UBE2G2: variants seen among roughly 807,000 people sequenced by gnomAD.
UBE2G2 encodes ubiquitin conjugating enzyme E2 G2.
A neutral mutation model predicts 23.0 loss-of-function variants in UBE2G2; 10 were observed. That is an observed-to-expected ratio of 0.43 (90% confidence interval 0.27 to 0.74). The LOEUF (loss-of-function observed/expected upper bound fraction) is 0.74, where lower values mean the gene tolerates loss of function less well. UBE2G2 is among the 30% of genes least tolerant of loss of function. The probability of loss-of-function intolerance (pLI) is 0.19; values close to 1 mark genes in which losing one functional copy is unlikely to be tolerated. For synonymous variants in UBE2G2, 86 were observed against 81.3 expected, an observed-to-expected ratio of 1.06 and a Z score of -0.31; for missense variants, 150 against 218.3, an observed-to-expected ratio of 0.69 and a Z score of 1.97.
chr21:44,783,469 T>C (rs62220106), intron 3 of UBE2G2, among the ~76,000 whole-genome samples: 10,031 of 152,320 alleles, frequency 0.066, 418 homozygotes, highest in Middle Eastern at 0.12. Context: ...AAGACAAGTG[T>C]TTACAGCAGC....
chr21:44,781,617 T>C (rs1020866110), intron 3 of UBE2G2, among the ~76,000 whole-genome samples: 2 of 152,164 alleles, frequency 1.3e-5, no homozygotes, highest in Non-Finnish European at 2.9e-5. Context: ...TTTGGGGAAG[T>C]GCCTTCCTGC....
At chr21:44,794,021 G>T (rs1381358113) in intron 1 of UBE2G2, among the ~76,000 whole-genome samples, 3 of 135,792 alleles carry the variant, frequency 2.2e-5, no homozygotes, top group Admixed American at 7.5e-5. Context: ...AGAAGGTGGA[G>T]AAAAGTGTGT....
chr21:44,798,255 C>G (rs1470044493), intron 1 of UBE2G2, among the ~76,000 whole-genome samples: 1 of 152,214 alleles, frequency 6.6e-6, no homozygotes, highest in Non-Finnish European at 1.5e-5. Flanking sequence ...AGGTCATAAT[C>G]TTTTTGCCGG....
At position 44,780,795 on chromosome 21, in the gene UBE2G2, A is replaced by G. The variant is rs183964456; in HGVS notation, c.126-3378T>C. On this transcript the variant is annotated intron_variant, in intron 3 of 5. Transcript: ENST00000345496. The stretch of plus-strand genomic sequence containing the variant: ...CTCAGCAACAGTGTGGGTCACTTAT[A>G]TGCCAGTGAAAAGCGAAGATCAGCC... Among the ~76,000 whole-genome samples, 10 of 152,348 alleles carry G rather than the reference A, an allele frequency of 6.6e-5. No homozygotes were observed. In the East Asian group the frequency reaches 1.5e-3, roughly 23 times the overall value.
At chr21:44,801,459 T>G in intron 1 of UBE2G2, 1 of 1,173,202 alleles carries the variant, frequency 8.5e-7, no homozygotes, top group Non-Finnish European at 1.1e-6. Context: ...CAACTGTGTG[T>G]GCTCTCAACT....
intron 3 of UBE2G2, among the ~76,000 whole-genome samples, chr21:44,784,999 A>G (rs1458609525): frequency 2.0e-5 from 3 of 152,156 alleles, no homozygotes; most frequent in African/African-American, 7.2e-5. Flanking sequence ...AAGTGCATCA[A>G]TGAAAGAGGG....
At chr21:44,795,687 G>A (rs1005476023) in intron 1 of UBE2G2, among the ~76,000 whole-genome samples, 2 of 151,990 alleles carry the variant, frequency 1.3e-5, no homozygotes, top group Non-Finnish European at 2.9e-5. Context: ...CTGGCCACGC[G>A]AAGTGTCAGC....
At chr21:44,779,377 G>A (rs1265453870) in intron 3 of UBE2G2, among the ~76,000 whole-genome samples, 1 of 134,062 alleles carries the variant, frequency 7.5e-6, no homozygotes, top group Non-Finnish European at 1.6e-5. Context: ...GGGGTGGGGG[G>A]GGGGTACTGT....
At chr21:44,785,326 C>T (rs1219436633) in intron 3 of UBE2G2, among the ~76,000 whole-genome samples, 1 of 152,194 alleles carries the variant, frequency 6.6e-6, no homozygotes, top group Non-Finnish European at 1.5e-5. Context: ...TGTTTAAAGA[C>T]ACAGCCTGCG....
intron 4 of UBE2G2, chr21:44,776,887 A>C (rs572163068): frequency 1.3e-5 from 2 of 159,804 alleles, no homozygotes; most frequent in East Asian, 3.7e-4. Context: ...TGTCTTTATT[A>C]GCAGCGTGAC....
chr21:44,774,505 C>A, intron 4 of UBE2G2: 1 of 247,202 alleles, frequency 4.0e-6, no homozygotes, highest in Admixed American at 5.8e-5. Flanking sequence ...TTATTTAACT[C>A]ACCTGAGTTA....
rs2082852761 is a variant in UBE2G2 at position 44,769,295 on chromosome 21, C to T, written c.*2082G>A. The T allele has an allele frequency of 6.6e-6, 1 of 152,102 alleles. No homozygotes were observed. The highest frequency in any genetic ancestry group is 1.5e-5 in the Non-Finnish European group (1 of 68,026). The allele number at this position is 152,102 out of a possible 1,614,324, so 9.4% of individuals were successfully genotyped here. A position where few individuals can be genotyped will look rare whatever the true frequency, so the allele number is the denominator to read the frequency against. ...CTTCTTTACAGAGAGGGCTCCATCT[C>T]ATTTGCCTGCAAATACAACATAGGT... On this transcript the variant is annotated 3_prime_UTR_variant, in exon 6 of 6. Coordinates refer to ENST00000345496, the MANE Select transcript of UBE2G2 (RefSeq NM_003343.6).
chr21:44,777,210 C>A, intron 4 of UBE2G2, 89 bp downstream of exon 4: 1 of 1,082,898 alleles, frequency 9.2e-7, no homozygotes. Flanking sequence ...ACATCATAGA[C>A]ATATAGAATA....
chr21:44,773,485 G>C (rs895998867), intron 5 of UBE2G2, 62 bp downstream of exon 5: 41 of 1,552,148 alleles, frequency 2.6e-5, no homozygotes, highest in Non-Finnish European at 3.3e-5. Flanking sequence ...ATGACGCAAG[G>C]CTGGAGAACA....
intron 3 of UBE2G2, chr21:44,779,217 C>G (rs782657388): frequency 6.6e-6 from 3 of 451,648 alleles, no homozygotes; most frequent in Non-Finnish European, 1.3e-5. Context: ...CAGGGCTGAT[C>G]TGCGGGCAAC....
At position 44,796,331 on chromosome 21, in the gene UBE2G2, C is replaced by T. The variant is rs73906925; in HGVS notation, c.43+5375G>A. ...GCTTGAACAGAATCATAGCCAAGGT[C>T]CCACCACCTCTGAATTTCTGCAGTT... On this transcript the variant is annotated intron_variant, in intron 1 of 5. Transcript: ENST00000345496. 7.1e-3 allele frequency among the ~76,000 whole-genome samples: 1,086 copies of T among 152,278 alleles called. 14 individuals carry two copies. Among genetic ancestry groups the T allele is most frequent in the African/African-American group, 0.026 (1,060 of 41,538 alleles).
At chr21:44,801,468 C>T (rs2083136941) in intron 1 of UBE2G2, 4 of 1,161,408 alleles carry the variant, frequency 3.4e-6, no homozygotes, top group South Asian at 2.4e-5. Flanking sequence ...GTGCTCTCAA[C>T]TAACACGGCG....
intron 5 of UBE2G2, among the ~76,000 whole-genome samples, 159 bp downstream of exon 5, chr21:44,773,388 A>G (rs1569292530): frequency 1.3e-5 from 2 of 152,224 alleles, no homozygotes; most frequent in Admixed American, 6.5e-5. Context: ...TATGCTTACA[A>G]TTGGAAAAGT....
Position 44,797,521 on chromosome 21 carries a change from C to A in UBE2G2, c.43+4185G>T, listed in dbSNP as rs149788873. ...CACGAGGTCAGGAGATCGAGACCAT[C>A]CTGGCTAACACGGTGAAACCCCGTC... On this transcript the variant is annotated intron_variant, in intron 1 of 5. Transcript: ENST00000345496. 6.6e-3 allele frequency among the ~76,000 whole-genome samples: 1,004 copies of A among 152,058 alleles called. 4 individuals are homozygous for A. Among genetic ancestry groups the A allele is most frequent in the South Asian group, 0.014 (67 of 4,812 alleles).
Sources: allele counts gnomAD v4.1 joint callset (sites outside exome capture counted in the v4.1 genomes callset), GRCh38; gene constraint gnomAD v4.1.1; transcripts MANE v1.5; gene names NCBI Gene and HGNC (gene_info 2026-07-23, HGNC 2026-07-21).